FLT4: variants seen among roughly 807,000 people sequenced by gnomAD.
FLT4 encodes the protein fms related receptor tyrosine kinase 4.
A neutral mutation model predicts 163.2 loss-of-function variants in FLT4; 30 were observed. That is an observed-to-expected ratio of 0.18 (90% CI 0.14 to 0.25). The LOEUF (loss-of-function observed/expected upper bound fraction) is 0.25, where lower values mean the gene tolerates loss of function less well. Ranked by LOEUF, FLT4 falls within the 10% of genes least tolerant of loss-of-function variation. The pLI is 1.00. For missense variants in FLT4, 1,510 were observed against 1,863.8 expected (o/e 0.81, Z 3.50); for synonymous variants, 884 against 789.5 (o/e 1.12, Z -2.01).
Position 180,608,999 on chromosome 5 carries a change from CT to C in FLT4, c.3861del (p.Ile1287MetfsTer22). ...MVLASEEFEQ[I>X]ESRHRQESGF... ...CCGCTTTCTTGTCTATGCCTGCTCT[CT>C]ATCTGCTCAAACTCCTCCGAGGCCA... On this transcript the variant is annotated frameshift_variant, in exon 29 of 30. Coordinates refer to ENST00000261937, the MANE Select transcript of FLT4 (RefSeq NM_182925.5). LOFTEE classifies it low-confidence loss of function (END_TRUNC). The C allele has an allele frequency of 6.2e-7, 1 of 1,614,206 alleles. No homozygotes were observed. Among genetic ancestry groups the C allele is most frequent in the Non-Finnish European group, 8.5e-7 (1 of 1,180,026 alleles).
chr5:180,620,399 A>G lies in FLT4; in HGVS notation c.2407-91T>C. ...CAGAACTTTGCCCAGGACAGATGGC[A>G]CTTCCTGCGGGGTTCTCAGTCAAGG... On this transcript the variant is annotated intron_variant, in intron 16 of 29. Transcript: ENST00000261937. The surrounding 1 kb of genome is among the most constrained non-coding windows in gnomAD (Gnocchi z 4.4). The G allele has an allele frequency of 6.6e-7, 1 of 1,525,838 alleles. No homozygotes were observed. Among genetic ancestry groups the G allele is most frequent in the South Asian group, 1.1e-5 (1 of 89,214 alleles). 94.5% of individuals were successfully genotyped at this position (1,525,838 alleles called of 1,614,324 possible).
rs754733831 is a variant in FLT4 at position 180,621,237 on chromosome 5, C to A, written c.2036G>T (p.Arg679Leu). The change falls in exon 14 of 30, where the codon CGG becomes CTG. Residue 679 changes from arginine (R) to leucine (L), a missense_variant. Transcript: ENST00000261937. ...YLSVQALEAP[R>L]LTQNLTDLLV... is the part of the protein sequence containing the mutation. ...GAGGTCGGTCAAGTTCTGCGTGAGC[C>A]GAGGGGCTTCCAGGGCTGGGGGCAG... is the stretch of plus-strand genomic sequence containing the variant. 1.2e-6 allele frequency: 2 copies of A among 1,612,158 alleles called. No homozygotes were observed. The highest frequency in any genetic ancestry group is 1.7e-5 in the Admixed American group (1 of 59,988).
intron 1 of FLT4, among the ~76,000 whole-genome samples, chr5:180,640,643 C>T (rs911839740): frequency 3.9e-5 from 6 of 152,256 alleles, no homozygotes; most frequent in African/African-American, 1.4e-4. Context: ...AGCTTCTTTC[C>T]TGAAAACGGA....
At position 180,632,631 on chromosome 5, in the gene FLT4, T is replaced by C. The variant is rs1477793857; in HGVS notation, c.59-853A>G. On this transcript the variant is annotated intron_variant, in intron 1 of 29. Coordinates refer to ENST00000261937, the MANE Select transcript of FLT4 (RefSeq NM_182925.5). ...GTGTGTGTGTGTGTGTGTGTGTGTGTGTGTGCACACGCGTGCCTCCATGTG... is the reference window on the plus strand; with the variant it reads ...GTGTGTGTGTGTGTGTGTGTGTGTGCGTGTGCACACGCGTGCCTCCATGTG... 2.3e-5 allele frequency among the ~76,000 whole-genome samples: 3 copies of C among 132,238 alleles called. No individual in the cohort carries two copies. The East Asian group carries it at 8.1e-4, about 36-fold the overall frequency. The allele number at this position is 132,238 out of a possible 152,430, so 86.8% of individuals were successfully genotyped here.
At chr5:180,610,634 A>C (rs1762103151) in intron 27 of FLT4, among the ~76,000 whole-genome samples, 1 of 152,220 alleles carries the variant, frequency 6.6e-6, no homozygotes. Flanking sequence ...CCCACGCCTC[A>C]TAGTTGGAGT....
rs1761977404 is a variant in FLT4, at chr5:180,609,064, A to T, written c.3808-11T>A. 6.2e-7 allele frequency: 1 copy of T among 1,613,208 alleles called. No homozygotes were observed. The highest frequency in any genetic ancestry group is 1.3e-5 in the African/African-American group (1 of 74,906). On this transcript the variant is annotated splice_polypyrimidine_tract_variant and intron_variant, in intron 28 of 29. Coordinates refer to ENST00000261937, the MANE Select transcript of FLT4 (RefSeq NM_182925.5). ...GTCTGTCTGGTTGTCCTGTGTGGAG[A>T]GGACAAGCCAGGCTGTGGGTCCCGC...
At position 180,644,162 on chromosome 5, in the gene FLT4, C is replaced by G. The variant is rs114921141; in HGVS notation, c.58+5326G>C. Among the ~76,000 whole-genome samples the G allele has an allele frequency of 3.1e-3, 471 of 152,308 alleles. 2 individuals carry two copies. The highest frequency in any genetic ancestry group is 0.01 in the African/African-American group (436 of 41,560). Reference sequence around the variant, plus strand: ...AGACAAGGGCTTCTGTGTGTCTTTTCGTCGTGGCATATTCCCAGGATTGGA... The same window carrying G: ...AGACAAGGGCTTCTGTGTGTCTTTTGGTCGTGGCATATTCCCAGGATTGGA... On this transcript the variant is annotated intron_variant, in intron 1 of 29. Transcript: ENST00000261937.
chr5:180,625,836 G>A (rs2127826284), intron 10 of FLT4, 33 bp downstream of exon 10: 9 of 1,518,962 alleles, frequency 5.9e-6, no homozygotes, highest in Non-Finnish European at 7.8e-6. Flanking sequence ...GGCTGTGGCT[G>A]TGCAGGGGAC....
chr5:180,618,819 C>G lies in FLT4; in HGVS notation c.2952G>C (p.Arg984=). 6.3e-7 allele frequency: 1 copy of G among 1,586,208 alleles called. No individual in the cohort carries two copies. Among genetic ancestry groups the G allele is most frequent in the Non-Finnish European group, 8.6e-7 (1 of 1,166,996 alleles). The change falls in exon 21 of 30, where the codon CGG becomes CGC. Residue 984 remains arginine (R), a synonymous_variant. Transcript: ENST00000261937. ...TCGCTCCGCCCTCGGTCTTCGAGAA[C>G]CGCGCGAAGAGGACCCTGTCGCTGC... ...PGSSDRVLFA[R]FSKTEGGARR... is the part of the protein sequence containing the mutation.
At chr5:180,609,417 C>T (rs1762005784) in intron 28 of FLT4, 1 of 418,588 alleles carries the variant, frequency 2.4e-6, no homozygotes, top group South Asian at 2.7e-5. Context: ...GTGAGGCTGC[C>T]TCCCGGTTTG....
In FLT4 at chr5:180,603,112, T is replaced by C; in HGVS notation, c.*80A>G. 7.1e-7 allele frequency: 1 copy of C among 1,404,008 alleles called. No homozygotes were observed. Among genetic ancestry groups the C allele is most frequent in the Non-Finnish European group, 1.0e-6 (1 of 998,856 alleles). 87.0% of individuals were successfully genotyped at this position (1,404,008 alleles called of 1,614,324 possible). A position where few individuals can be genotyped will look rare whatever the true frequency, so the allele number is the denominator to read the frequency against. On this transcript the variant is annotated 3_prime_UTR_variant, in exon 30 of 30. Coordinates refer to ENST00000261937, the MANE Select transcript of FLT4 (RefSeq NM_182925.5). ...TGCCACCAGAGTTCAACCAGATGAG[T>C]TCCCAGCCTGGGCCTCCAGCCCTCT...
At position 180,636,771 on chromosome 5, in the gene FLT4, G is replaced by C. The variant is rs112723202; in HGVS notation, c.59-4993C>G. The stretch of plus-strand genomic sequence containing the variant: ...CTCTCTCCCTGCTTCCCCTGTTCTT[G>C]ATCCACATCCTTCAGCCTCATCAAA... On this transcript the variant is annotated intron_variant, in intron 1 of 29. Coordinates refer to ENST00000261937, the MANE Select transcript of FLT4 (RefSeq NM_182925.5). The surrounding 1 kb of genome is among the most constrained non-coding windows in gnomAD (Gnocchi z 4.3). 2.9e-3 allele frequency among the ~76,000 whole-genome samples: 438 copies of C among 152,104 alleles called. 3 individuals are homozygous for C. The highest frequency in any genetic ancestry group is 9.6e-3 in the African/African-American group (400 of 41,512).
chr5:180,630,615 T>G lies in FLT4; in HGVS notation c.340A>C (p.Lys114Gln). Residue 114 changes from lysine (K) to glutamine (Q), a missense_variant, in exon 3 of 30, where the codon AAG (lysine) becomes CAG (glutamine). This residue lies in a region of FLT4 where 157 missense variants were observed against 178.7 expected (regional missense o/e 0.88). Coordinates refer to ENST00000261937, the MANE Select transcript of FLT4 (RefSeq NM_182925.5). This position sits in a 1 kb window ranked among gnomAD's most constrained non-coding sequence, Gnocchi z 6.3. ...CCCTCGATGCGTGCCTTGATGTACT[T>G]GTAGTAGCAGACGTAGCTGCCTGTG... ...NDTGSYVCYY[K>Q]YIKARIEGTT... is the part of the protein sequence containing the mutation. 1.2e-6 allele frequency: 2 copies of G among 1,613,084 alleles called. No homozygotes were observed. The highest frequency in any genetic ancestry group is 1.7e-6 in the Non-Finnish European group (2 of 1,179,984).
Position 180,602,355 on chromosome 5 carries a change from C to T in FLT4, c.*837G>A, listed in dbSNP as rs987313097. On this transcript the variant is annotated 3_prime_UTR_variant, in exon 30 of 30. Coordinates refer to ENST00000261937, the MANE Select transcript of FLT4 (RefSeq NM_182925.5). ...CTGGGCCAGGTGGGAGAGCAAGGGC[C>T]TTCTCCAGAGGCACTGACTGCTCTG... 3 of 323,884 alleles carry T rather than the reference C, an allele frequency of 9.3e-6. No individual in the cohort carries two copies. The highest frequency in any genetic ancestry group is 2.1e-5 in the African/African-American group (1 of 47,468). The allele number at this position is 323,884 out of a possible 1,614,324, so 20.1% of individuals were successfully genotyped here. A position where few individuals can be genotyped will look rare whatever the true frequency, so the allele number is the denominator to read the frequency against.
chr5:180,631,635 G>A (rs1220052648), intron 2 of FLT4, 47 bp downstream of exon 2: 2 of 1,469,230 alleles, frequency 1.4e-6, no homozygotes, highest in Non-Finnish European at 1.9e-6. Flanking sequence ...TCCTGCCTTG[G>A]GCTTGTGCAG....
rs2127841818 is a variant in FLT4 at position 180,631,725 on chromosome 5, A to G, written c.112T>C (p.Ser38Pro). Reference protein sequence around the residue: ...TPPTLNITEESHVIDTGDSLS... With the variant: ...TPPTLNITEEPHVIDTGDSLS... ...CTGTCACCGGTGTCGATGACGTGTG[A>G]CTCCTCCGTGATGTTCAAGGTCGGG... is the stretch of plus-strand genomic sequence containing the variant. Residue 38 changes from serine to proline, a missense_variant, in exon 2 of 30, where the codon TCA becomes CCA. Ser to Pro is a moderately conservative substitution (Grantham distance 74). Coordinates refer to ENST00000261937, the MANE Select transcript of FLT4 (RefSeq NM_182925.5). 6.2e-7 allele frequency: 1 copy of G among 1,609,856 alleles called. No individual in the cohort carries two copies. Among genetic ancestry groups the G allele is most frequent in the Non-Finnish European group, 8.5e-7 (1 of 1,179,684 alleles).
At chr5:180,632,939 G>A in intron 1 of FLT4, among the ~76,000 whole-genome samples, 1 of 152,022 alleles carries the variant, frequency 6.6e-6, no homozygotes, top group Middle Eastern at 3.2e-3. Context: ...GCTGCGTCCT[G>A]TCCCTCCCCC....
intron 1 of FLT4, among the ~76,000 whole-genome samples, chr5:180,640,295 G>A (rs1285397449): frequency 6.6e-6 from 1 of 152,350 alleles, no homozygotes; most frequent in Non-Finnish European, 1.5e-5. Flanking sequence ...AGCGAGTGAG[G>A]AAACTGAGGC....
Position 180,602,636 on chromosome 5 carries a change from A to C in FLT4, c.*556T>G. On this transcript the variant is annotated 3_prime_UTR_variant, in exon 30 of 30. Transcript: ENST00000261937. ...TAGTTGGCTGTTTGGTCAGGCCCAG[A>C]AGAGGACCCTGCAAATGCCTTCTTT... The C allele has an allele frequency of 2.4e-6, 1 of 410,242 alleles. No individual in the cohort carries two copies. The highest frequency in any genetic ancestry group is 4.3e-6 in the Non-Finnish European group (1 of 232,230). 25.4% of individuals were successfully genotyped at this position (410,242 alleles called of 1,614,324 possible).
Sources: allele counts gnomAD v4.1 joint callset (sites outside exome capture counted in the v4.1 genomes callset), GRCh38; gene constraint gnomAD v4.1.1; regional missense constraint gnomAD v4.1.1; non-coding constraint Gnocchi (gnomAD v3.1); transcripts MANE v1.5; gene names NCBI Gene and HGNC (gene_info 2026-07-23, HGNC 2026-07-21).